The following SEMA6D variants were observed in gnomAD, a reference collection of about 807,000 sequenced individuals.
SEMA6D encodes semaphorin-6D.
In SEMA6D, 35 loss-of-function variants were observed where a neutral mutation model predicts 106.6. That is an observed-to-expected ratio of 0.33 (90% CI 0.25 to 0.44). SEMA6D has a LOEUF of 0.44. Among genes scored for constraint, SEMA6D ranks in the 20% least tolerant of loss-of-function variants. The pLI is 1.00. For synonymous variants in SEMA6D, 499 were observed against 487.7 expected, an observed-to-expected ratio of 1.02 and a Z score of -0.31; for missense variants, 1,185 against 1,345.9, an observed-to-expected ratio of 0.88 and a Z score of 1.87.
At chr15:47,607,429 G>A (rs2076804663) in intron 4 of SEMA6D, among the ~76,000 whole-genome samples, 1 of 152,192 alleles carries the variant, frequency 6.6e-6, no homozygotes, top group African/African-American at 2.4e-5. Context: ...GGCAGCAGCA[G>A]CATGTAACTC....
In SEMA6D at chr15:47,531,103, A is replaced by G. The variant is rs1012701062; in HGVS notation, c.-87+60558A>G. On this transcript the variant is annotated intron_variant, in intron 3 of 19. Coordinates refer to the SEMA6D transcript ENST00000558014. The stretch of plus-strand genomic sequence containing the variant: ...GTCTATCCAATTTGCCTTTAATGTA[A>G]CCAAAACAAAATCTAAGTGAAAATG... 3.9e-5 allele frequency among the ~76,000 whole-genome samples: 6 copies of G among 152,350 alleles called. No homozygotes were observed. In the South Asian group the frequency reaches 1.0e-3, roughly 26 times the overall value.
intron 2 of SEMA6D, among the ~76,000 whole-genome samples, chr15:47,467,931 G>A (rs2141124994): frequency 1.3e-5 from 2 of 152,130 alleles, no homozygotes; most frequent in South Asian, 4.1e-4. Flanking sequence ...CCCCTCATCT[G>A]TAGCATAAAA....
intron 1 of SEMA6D, among the ~76,000 whole-genome samples, chr15:47,188,465 T>G (rs896128925): frequency 7.9e-5 from 12 of 152,214 alleles, no homozygotes; most frequent in Admixed American, 7.8e-4. Flanking sequence ...TGATTGTGTG[T>G]ACTCTTGATA....
At chr15:47,630,536 G>A (rs1354474017) in intron 4 of SEMA6D, among the ~76,000 whole-genome samples, 2 of 151,618 alleles carry the variant, frequency 1.3e-5, no homozygotes, top group Non-Finnish European at 3.0e-5. Flanking sequence ...TACATCATCT[G>A]TAAATAGGGA....
At chr15:47,246,476 G>A (rs1435144007) in intron 1 of SEMA6D, among the ~76,000 whole-genome samples, 4 of 152,242 alleles carry the variant, frequency 2.6e-5, no homozygotes, top group South Asian at 4.1e-4. Context: ...TCATAGCCAA[G>A]GTGTCCAACA....
chr15:47,308,152 A>G (rs1365628908), intron 1 of SEMA6D, among the ~76,000 whole-genome samples: 2 of 152,130 alleles, frequency 1.3e-5, no homozygotes, highest in Non-Finnish European at 1.5e-5. Flanking sequence ...CAGTCTTCCA[A>G]TATTTAAGTA....
chr15:47,290,198 A>G (rs1435126872), intron 1 of SEMA6D, among the ~76,000 whole-genome samples: 2 of 152,346 alleles, frequency 1.3e-5, no homozygotes, highest in African/African-American at 4.8e-5. Context: ...GAAGCTTTCA[A>G]CGAAAGCTAA....
At chr15:47,521,809 C>A (rs1409276442) in intron 3 of SEMA6D, among the ~76,000 whole-genome samples, 2 of 152,052 alleles carry the variant, frequency 1.3e-5, no homozygotes, top group African/African-American at 4.8e-5. Flanking sequence ...CACGGTGAAA[C>A]CCCGTCTCTA....
chr15:47,397,504 A>G (rs1239524859), intron 1 of SEMA6D: 2 of 151,442 alleles, frequency 1.3e-5, no homozygotes, highest in African/African-American at 2.4e-5. Context: ...GTAAGCAACT[A>G]GTTATTCAAG....
intron 1 of SEMA6D, among the ~76,000 whole-genome samples, chr15:47,382,394 C>G (rs1307300240): frequency 6.6e-6 from 1 of 152,092 alleles, no homozygotes; most frequent in Non-Finnish European, 1.5e-5. Flanking sequence ...CCTGTAGTCC[C>G]AGCTACTGCT....
At chr15:47,578,558 G>A (rs1324463965) in intron 3 of SEMA6D, among the ~76,000 whole-genome samples, 2 of 152,168 alleles carry the variant, frequency 1.3e-5, no homozygotes, top group African/African-American at 2.4e-5. Context: ...ACACTTCCAT[G>A]TCTTTATAAA....
At chr15:47,478,378 T>A (rs2141263930) in intron 3 of SEMA6D, among the ~76,000 whole-genome samples, 1 of 152,262 alleles carries the variant, frequency 6.6e-6, no homozygotes, top group South Asian at 2.1e-4. Flanking sequence ...ATTAAAGTAA[T>A]TACAGGAAGG....
intron 1 of SEMA6D, among the ~76,000 whole-genome samples, chr15:47,272,339 A>G (rs1437703079): frequency 1.3e-5 from 2 of 152,190 alleles, no homozygotes; most frequent in Admixed American, 6.5e-5. Flanking sequence ...GAGTTTGCCT[A>G]TGTATCTCTT....
intron 3 of SEMA6D, among the ~76,000 whole-genome samples, chr15:47,555,541 T>A (rs1170149388): frequency 2.6e-5 from 4 of 152,142 alleles, no homozygotes; most frequent in Admixed American, 2.6e-4. Context: ...GTGGGAACAT[T>A]ATGTGGGTAT....
intron 1 of SEMA6D, among the ~76,000 whole-genome samples, chr15:47,719,773 G>A (rs1484248225): frequency 1.3e-5 from 2 of 152,114 alleles, no homozygotes; most frequent in East Asian, 3.9e-4. Flanking sequence ...TTTTGATACT[G>A]GTTTACTCTT....
intron 1 of SEMA6D, among the ~76,000 whole-genome samples, chr15:47,304,051 ATTAG>A (rs1395884463): frequency 2.0e-5 from 3 of 152,278 alleles, no homozygotes; most frequent in Non-Finnish European, 2.9e-5. Flanking sequence ...AGGGATTCAG[ATTAG>A]TTAGAGTGTT....
At chr15:47,247,885 CTG>C (rs1238952831) in intron 1 of SEMA6D, among the ~76,000 whole-genome samples, 1 of 152,166 alleles carries the variant, frequency 6.6e-6, no homozygotes, top group Non-Finnish European at 1.5e-5. Context: ...GAGCTGGGAA[CTG>C]TGTCAGACTT....
rs546742420 is a variant in SEMA6D at position 47,294,803 on chromosome 15, G to A, written c.-239+110385G>A. The stretch of plus-strand genomic sequence containing the variant: ...GCTACCTATAAGGTGAAATGTATAC[G>A]TTGTTTAAATGTTTATTCTTTTCAG... On this transcript the variant is annotated intron_variant, in intron 1 of 19. Transcript: ENST00000558014. 5.3e-5 allele frequency among the ~76,000 whole-genome samples: 8 copies of A among 152,206 alleles called. No individual in the cohort carries two copies. The South Asian group carries it at 6.2e-4, about 12-fold the overall frequency.
intron 4 of SEMA6D, among the ~76,000 whole-genome samples, chr15:47,608,161 C>A (rs2076820424): frequency 6.6e-6 from 1 of 152,160 alleles, no homozygotes; most frequent in South Asian, 2.1e-4. Flanking sequence ...CTTGAATTTT[C>A]TGCCGTTTCC....
Sources: allele counts gnomAD v4.1 joint callset (sites outside exome capture counted in the v4.1 genomes callset), GRCh38; gene constraint gnomAD v4.1.1; transcripts MANE v1.5; gene names NCBI Gene and HGNC (gene_info 2026-07-23, HGNC 2026-07-21).